RSPH14: variants seen among roughly 807,000 people sequenced by gnomAD.
RSPH14 encodes the protein rhabdoid tumor deletion region gene 1.
Under a neutral mutation model 26.7 loss-of-function variants are expected in RSPH14, and 20 were observed. The observed-to-expected ratio is 0.75, with a 90% CI of 0.53 to 1.09. The LOEUF (loss-of-function observed/expected upper bound fraction) is 1.09, where lower values mean the gene tolerates loss of function less well. RSPH14 is among the 50% of genes least tolerant of loss of function. The pLI is 0.00. For synonymous variants in RSPH14, 177 were observed against 189.3 expected, an observed-to-expected ratio of 0.93 and a Z score of 0.53; for missense variants, 449 against 457.2, an observed-to-expected ratio of 0.98 and a Z score of 0.16.
the RSPH14 span, chr22:23,161,921 C>T: frequency 3.7e-5 from 9 of 245,570 alleles, 1 homozygote; most frequent in Non-Finnish European, 6.4e-5. Flanking sequence ...CTATACTACT[C>T]GGCCATGGCC....
Position 23,061,885 on chromosome 22 carries a change from A to G in RSPH14, c.714T>C (p.His238=), listed in dbSNP as rs765472813. The change falls in exon 6 of 7, where the codon CAT becomes CAC. Residue 238 remains histidine, a synonymous_variant. Transcript: ENST00000216036. The stretch of plus-strand genomic sequence containing the variant: ...CATGCTCCACTGGGTCTTTCAGCAG[A>G]TGGACCAGGATGGGGATGACGTCAA... The part of the protein sequence containing the change: ...CHFDVIPILV[H]LLKDPVEHVK... The G allele has an allele frequency of 1.2e-6, 2 of 1,614,192 alleles. No homozygotes were observed. Among genetic ancestry groups the G allele is most frequent in the Non-Finnish European group, 8.5e-7 (1 of 1,180,026 alleles).
At chr22:23,171,613 G>A in the RSPH14 span, among the ~76,000 whole-genome samples, 1 of 152,038 alleles carries the variant, frequency 6.6e-6, no homozygotes, top group Admixed American at 6.6e-5. Flanking sequence ...AGAGGCAGTG[G>A]GGGTGGATCA....
At chr22:23,168,291 C>T in the RSPH14 span, among the ~76,000 whole-genome samples, 70 of 152,168 alleles carry the variant, frequency 4.6e-4, 1 homozygote, top group East Asian at 9.7e-3. Context: ...CCTGGGCCCC[C>T]GGGGATGCTG....
intron 4 of RSPH14, among the ~76,000 whole-genome samples, chr22:23,129,395 C>T (rs979765013): frequency 2.0e-5 from 3 of 152,108 alleles, no homozygotes; most frequent in Non-Finnish European, 4.4e-5. Flanking sequence ...GGCTTCTGTT[C>T]GTGAGCTTGT....
the RSPH14 span, among the ~76,000 whole-genome samples, chr22:23,175,907 G>A: frequency 1.6e-4 from 24 of 152,148 alleles, no homozygotes; most frequent in Non-Finnish European, 2.6e-4. Flanking sequence ...AGTCTTCTCC[G>A]CTCAGACTCC....
chr22:23,070,239 T>A (rs1301447193), intron 4 of RSPH14: 1 of 149,512 alleles, frequency 6.7e-6, no homozygotes, highest in Admixed American at 6.7e-5. Flanking sequence ...CGGCGCGTGG[T>A]GCCCGGCGGG....
Position 23,120,678 on chromosome 22 carries a change from C to T in RSPH14, c.421+13348G>A, listed in dbSNP as rs532336724. Among the ~76,000 whole-genome samples the T allele has an allele frequency of 3.9e-5, 6 of 152,156 alleles. No individual in the cohort carries two copies. The South Asian group carries it at 6.2e-4, about 16-fold the overall frequency. On this transcript the variant is annotated intron_variant, in intron 4 of 6. Transcript: ENST00000216036. ...GTGCTTGTCCCCTCACCCTTGAACCCCCAGGTCCATACCCTGCTGGTGGCC... is the reference window on the plus strand; with the variant it reads ...GTGCTTGTCCCCTCACCCTTGAACCTCCAGGTCCATACCCTGCTGGTGGCC...
At chr22:23,123,576 C>A in intron 4 of RSPH14, 1 of 606,976 alleles carries the variant, frequency 1.6e-6, no homozygotes, top group Non-Finnish European at 2.9e-6. Flanking sequence ...TCCTTGGCCC[C>A]ACATTTCTGC....
At chr22:23,162,487 T>C in the RSPH14 span, 2 of 388,310 alleles carry the variant, frequency 5.2e-6, no homozygotes, top group Non-Finnish European at 1.1e-5. Flanking sequence ...AGGACCTTTG[T>C]AATGGTGTCC....
the RSPH14 span, among the ~76,000 whole-genome samples, chr22:23,152,011 G>A: frequency 2.2e-4 from 34 of 152,354 alleles, no homozygotes; most frequent in Non-Finnish European, 8.8e-5. Flanking sequence ...CAGCCCCGGG[G>A]GTGCATAGGA....
chr22:23,146,580 G>T, upstream of RSPH14: 2 of 1,611,746 alleles, frequency 1.2e-6, no homozygotes, highest in Non-Finnish European at 1.7e-6. Flanking sequence ...CTCCTTAACT[G>T]TCTTTCTCCT....
upstream of RSPH14, chr22:23,142,137 C>T: frequency 4.6e-6 from 3 of 648,086 alleles, no homozygotes; most frequent in Non-Finnish European, 5.7e-6. Flanking sequence ...CAATCATTTA[C>T]AGGGTTGCTG....
intron 4 of RSPH14, among the ~76,000 whole-genome samples, chr22:23,105,954 C>T (rs1457103256): frequency 1.3e-5 from 2 of 152,182 alleles, no homozygotes; most frequent in South Asian, 2.1e-4. Flanking sequence ...AGGGTGCCCA[C>T]GGCCTCCCTT....
the RSPH14 span, among the ~76,000 whole-genome samples, chr22:23,150,489 G>A: frequency 6.6e-6 from 1 of 151,932 alleles, no homozygotes; most frequent in Non-Finnish European, 1.5e-5. Flanking sequence ...TTTTAGTAGA[G>A]ACGGGGTTTC....
At chr22:23,162,361 C>G in the RSPH14 span, 13 of 335,022 alleles carry the variant, frequency 3.9e-5, no homozygotes, top group Non-Finnish European at 7.7e-5. Context: ...CACAGCTGTC[C>G]TAGGGTAACT....
At chr22:23,130,434 G>A (rs1403879847) in intron 4 of RSPH14, among the ~76,000 whole-genome samples, 6 of 140,692 alleles carry the variant, frequency 4.3e-5, no homozygotes, top group Non-Finnish European at 7.7e-5. Flanking sequence ...CAGCCTGGGC[G>A]ACAGAGTGAG....
chr22:23,120,049 C>A (rs942428779), intron 4 of RSPH14, among the ~76,000 whole-genome samples: 2 of 152,180 alleles, frequency 1.3e-5, no homozygotes, highest in Admixed American at 6.5e-5. Context: ...AGATGTTTGT[C>A]TGTCCTGATG....
At chr22:23,142,057 G>T (rs887520836), upstream of RSPH14, 5 of 985,328 alleles carry the variant, frequency 5.1e-6, no homozygotes, top group Non-Finnish European at 6.0e-6. Context: ...GCGGCGCCGC[G>T]GTCGACATAA....
At chr22:23,126,772 G>T (rs190805391) in intron 4 of RSPH14, among the ~76,000 whole-genome samples, 126 of 152,314 alleles carry the variant, frequency 8.3e-4, no homozygotes, top group East Asian at 6.2e-3. Context: ...CCCACTGCAG[G>T]TGACTAATCC....
Sources: allele counts gnomAD v4.1 joint callset (sites outside exome capture counted in the v4.1 genomes callset), GRCh38; gene constraint gnomAD v4.1.1; transcripts MANE v1.5; gene names NCBI Gene and HGNC (gene_info 2026-07-23, HGNC 2026-07-21).